ADAM9: variants seen among roughly 807,000 people sequenced by gnomAD.
ADAM9 encodes disintegrin and metalloproteinase domain-containing protein 9.
Under a neutral mutation model 108.1 loss-of-function variants are expected in ADAM9, and 54 were observed. That is an observed-to-expected ratio of 0.50 (90% CI 0.40 to 0.63). The LOEUF (loss-of-function observed/expected upper bound fraction) is 0.63, where lower values mean the gene tolerates loss of function less well. ADAM9 is among the 20% of genes least tolerant of loss of function. The pLI is 0.00. For synonymous variants in ADAM9, 316 were observed against 336.0 expected (o/e 0.94, Z 0.65); for missense variants, 830 against 997.7 (o/e 0.83, Z 2.26).
intron 4 of ADAM9, chr8:39,014,669 T>G: frequency 1.5e-6 from 1 of 645,986 alleles, no homozygotes; most frequent in East Asian, 2.8e-5. Context: ...TATTATACCT[T>G]TTTTTCTTTT....
At position 39,045,411 on chromosome 8, in the gene ADAM9, C is replaced by T. The variant is rs1194697508; in HGVS notation, c.1302+3294C>T. On this transcript the variant is annotated intron_variant, in intron 12 of 21. Transcript: ENST00000487273. Reference sequence around the variant, plus strand: ...GTGTGTGTACACACACCTATATGTGCGCGTGTGTACACACACCTATATGTG... The same window carrying T: ...GTGTGTGTACACACACCTATATGTGTGCGTGTGTACACACACCTATATGTG... Among the ~76,000 whole-genome samples the T allele has an allele frequency of 4.8e-4, 10 of 20,742 alleles. 2 individuals are homozygous for T. The highest frequency in any genetic ancestry group is 2.3e-3 in the East Asian group (1 of 426). The allele number at this position is 20,742 out of a possible 152,430, so 13.6% of individuals were successfully genotyped here.
chr8:39,065,832 A>G (rs190854352), intron 14 of ADAM9, among the ~76,000 whole-genome samples: 1 of 152,068 alleles, frequency 6.6e-6, no homozygotes, highest in Non-Finnish European at 1.5e-5. Flanking sequence ...TACATGTGCC[A>G]TGTTGATATG....
At chr8:39,100,735 T>C (rs2129443601) in intron 20 of ADAM9, among the ~76,000 whole-genome samples, 1 of 152,308 alleles carries the variant, frequency 6.6e-6, no homozygotes, top group African/African-American at 2.4e-5. Flanking sequence ...GCTCAAGGTC[T>C]TCACCACCAC....
At chr8:39,088,789 C>T (rs866860870) in intron 18 of ADAM9, among the ~76,000 whole-genome samples, 4 of 152,038 alleles carry the variant, frequency 2.6e-5, no homozygotes, top group Non-Finnish European at 4.4e-5. Context: ...TGGAGAAAAG[C>T]ATAGTGCCAT....
intron 13 of ADAM9, 84 bp downstream of exon 13, chr8:39,054,657 A>G: frequency 8.3e-7 from 1 of 1,202,784 alleles, no homozygotes; most frequent in African/African-American, 1.6e-5. Context: ...GTTTTTTGAG[A>G]TTTCTGAGTC....
At chr8:39,015,937 G>C in intron 4 of ADAM9, 181 bp from the exon 5 acceptor site, 2 of 616,498 alleles carry the variant, frequency 3.2e-6, no homozygotes, top group Admixed American at 2.7e-5. Context: ...AGGGTGGTAG[G>C]AGATAGTCCG....
In ADAM9 at chr8:39,039,742, A is replaced by C. The variant is rs769480134; in HGVS notation, c.1131-2204A>C. Among the ~76,000 whole-genome samples, 6 of 152,308 alleles carry C rather than the reference A, an allele frequency of 3.9e-5. No individual in the cohort carries two copies. In the South Asian group the frequency reaches 8.3e-4, roughly 21 times the overall value. ...TCAGGATCTCCTTTTATAAGGATGA[A>C]TAATTACCAGTCTTATATGTGCCAC... is the stretch of plus-strand genomic sequence containing the variant. On this transcript the variant is annotated intron_variant, in intron 11 of 21. Coordinates refer to ENST00000487273, the MANE Select transcript of ADAM9 (RefSeq NM_003816.3).
chr8:39,091,422 T>A, intron 20 of ADAM9, 76 bp downstream of exon 20: 1 of 1,220,352 alleles, frequency 8.2e-7, no homozygotes, highest in East Asian at 2.4e-5. Context: ...AACACAGTTA[T>A]ATAGCTATAG....
At position 38,998,096 on chromosome 8, in the gene ADAM9, T is replaced by C. The variant is rs528067752; in HGVS notation, c.97+936T>C. Among the ~76,000 whole-genome samples, 4 of 152,362 alleles carry C rather than the reference T, an allele frequency of 2.6e-5. No homozygotes were observed. In the East Asian group the frequency reaches 7.7e-4, roughly 29 times the overall value. On this transcript the variant is annotated intron_variant, in intron 1 of 21. Transcript: ENST00000487273. ...ATCAGCGACAGAGGATGATGGAGAA[T>C]GGGAGTTTTTACTAAATCATTGATT...
At chr8:38,999,961 G>C (rs1424675387) in intron 1 of ADAM9, among the ~76,000 whole-genome samples, 1 of 151,958 alleles carries the variant, frequency 6.6e-6, no homozygotes, top group African/African-American at 2.4e-5. Flanking sequence ...ATCCTTTTGA[G>C]TCAGCGCTAT....
intron 1 of ADAM9, among the ~76,000 whole-genome samples, chr8:38,998,300 G>T (rs1165812689): frequency 6.6e-6 from 1 of 152,150 alleles, no homozygotes; most frequent in East Asian, 1.9e-4. Context: ...AATTTCTTCT[G>T]GTTAAAACTA....
At chr8:38,998,795 T>G (rs1383619347) in intron 1 of ADAM9, among the ~76,000 whole-genome samples, 2 of 152,212 alleles carry the variant, frequency 1.3e-5, no homozygotes, top group Non-Finnish European at 2.9e-5. Flanking sequence ...ACATGACTTT[T>G]TAGGAAATGA....
intron 15 of ADAM9, among the ~76,000 whole-genome samples, chr8:39,075,682 T>C (rs1325088150): frequency 6.6e-6 from 1 of 152,230 alleles, no homozygotes; most frequent in African/African-American, 2.4e-5. Flanking sequence ...CTTTACTTTT[T>C]AATGTATCAC....
chr8:39,009,710 T>C (rs1032256645), intron 2 of ADAM9, among the ~76,000 whole-genome samples: 15 of 152,336 alleles, frequency 9.8e-5, no homozygotes, highest in Admixed American at 3.3e-4. Context: ...AGTCAGTGCA[T>C]ATTGAACTGG....
At chr8:39,020,724 A>G (rs755993741) in intron 7 of ADAM9, among the ~76,000 whole-genome samples, 4 of 152,184 alleles carry the variant, frequency 2.6e-5, no homozygotes, top group Non-Finnish European at 4.4e-5. Context: ...TCTGTAACCA[A>G]TCTGGCTGTT....
At chr8:39,055,099 A>G (rs1021478190) in intron 13 of ADAM9, among the ~76,000 whole-genome samples, 1 of 152,262 alleles carries the variant, frequency 6.6e-6, no homozygotes, top group Non-Finnish European at 1.5e-5. Context: ...TAGTTGTACC[A>G]TAATTTCTTT....
chr8:39,003,932 G>A (rs1259524549), intron 1 of ADAM9, among the ~76,000 whole-genome samples: 1 of 152,110 alleles, frequency 6.6e-6, no homozygotes, highest in African/African-American at 2.4e-5. Context: ...TTCATTGGCA[G>A]TCTCGGTAAA....
intron 20 of ADAM9, among the ~76,000 whole-genome samples, chr8:39,098,049 G>A (rs4615534): frequency 0.41 from 62,419 of 151,926 alleles, 13,582 homozygotes; most frequent in East Asian, 0.71. Flanking sequence ...TTCCCTTAGC[G>A]AAGGTATTTT....
chr8:39,021,386 C>T (rs999892561), intron 7 of ADAM9, among the ~76,000 whole-genome samples: 2 of 152,202 alleles, frequency 1.3e-5, no homozygotes, highest in Non-Finnish European at 2.9e-5. Context: ...CGGGTTCAAG[C>T]GATTCTCCTG....
Sources: gnomAD v4.1 joint callset for allele counts (sites outside exome capture counted in the v4.1 genomes callset) on GRCh38, gnomAD v4.1.1 for gene constraint, MANE v1.5 for transcripts, NCBI Gene and HGNC (gene_info 2026-07-23, HGNC 2026-07-21) for gene names.